Variants in GRM1 observed in about 807,000 individuals in gnomAD.
The protein encoded by GRM1 is glutamate metabotropic receptor 1.
In GRM1, 33 loss-of-function variants were observed where a neutral mutation model predicts 90.9. The observed-to-expected ratio is 0.36, with a 90% confidence interval of 0.28 to 0.49. The LOEUF (loss-of-function observed/expected upper bound fraction) is 0.49, where lower values mean the gene tolerates loss of function less well. Among genes scored for constraint, GRM1 ranks in the 20% least tolerant of loss-of-function variants. The pLI is 0.99. For missense variants in GRM1, 1,190 were observed against 1,534.3 expected, an observed-to-expected ratio of 0.78 and a Z score of 3.75; for synonymous variants, 700 against 613.2, an observed-to-expected ratio of 1.14 and a Z score of -2.09.
chr6:146,262,789 T>A (rs555705038), intron 2 of GRM1, among the ~76,000 whole-genome samples: 64 of 152,062 alleles, frequency 4.2e-4, no homozygotes, highest in African/African-American at 1.4e-3. Context: ...AAAGTAAGTA[T>A]ATTGATAAAT....
intron 6 of GRM1, among the ~76,000 whole-genome samples, chr6:146,394,256 A>G (rs1446306011): frequency 1.3e-5 from 2 of 152,190 alleles, no homozygotes; most frequent in African/African-American, 4.8e-5. Flanking sequence ...GTAGCTTAAT[A>G]TAACTAAATT....
chr6:146,317,907 A>G (rs924653117), intron 3 of GRM1, among the ~76,000 whole-genome samples: 2 of 152,250 alleles, frequency 1.3e-5, no homozygotes, highest in Non-Finnish European at 2.9e-5. Context: ...TATGGGAACA[A>G]TCTTCAATCT....
chr6:146,435,194 C>T lies in GRM1; in HGVS notation c.*398C>T, dbSNP rs1583498204. Reference sequence around the variant, plus strand: ...TGGGCCATGCTTGCCAAGGAACAGCCCACGTGGACATGCCAGTCGGATCAT... The same window carrying T: ...TGGGCCATGCTTGCCAAGGAACAGCTCACGTGGACATGCCAGTCGGATCAT... On this transcript the variant is annotated 3_prime_UTR_variant, in exon 8 of 8. Coordinates refer to ENST00000282753, the MANE Select transcript of GRM1 (RefSeq NM_001278064.2). 5.8e-6 allele frequency: 2 copies of T among 343,248 alleles called. No homozygotes were observed. The highest frequency in any genetic ancestry group is 1.1e-5 in the Non-Finnish European group (2 of 177,868). 21.3% of individuals were successfully genotyped at this position (343,248 alleles called of 1,614,324 possible).
At chr6:146,227,541 A>G (rs1410167543) in intron 2 of GRM1, among the ~76,000 whole-genome samples, 4 of 152,166 alleles carry the variant, frequency 2.6e-5, no homozygotes, top group Admixed American at 6.6e-5. Flanking sequence ...GATTTGACAA[A>G]TAGGAACTAA....
At chr6:146,290,482 A>C (rs1417188379) in intron 2 of GRM1, among the ~76,000 whole-genome samples, 3 of 152,196 alleles carry the variant, frequency 2.0e-5, no homozygotes, top group Non-Finnish European at 4.4e-5. Flanking sequence ...ACCATTCATA[A>C]AAAAGGAAGC....
At chr6:146,153,455 C>T (rs1304131969) in intron 1 of GRM1, among the ~76,000 whole-genome samples, 2 of 152,184 alleles carry the variant, frequency 1.3e-5, no homozygotes, top group African/African-American at 2.4e-5. Flanking sequence ...ATTAGTGCTG[C>T]ACTCATGGGA....
At chr6:146,049,954 C>A (rs1259343281) in intron 1 of GRM1, among the ~76,000 whole-genome samples, 1 of 151,834 alleles carries the variant, frequency 6.6e-6, no homozygotes, top group Non-Finnish European at 1.5e-5. Flanking sequence ...GGGTTCAAAC[C>A]CAGTCAGTCT....
intron 3 of GRM1, among the ~76,000 whole-genome samples, chr6:146,337,142 G>A (rs563000639): frequency 1.3e-5 from 2 of 152,254 alleles, no homozygotes; most frequent in South Asian, 2.1e-4. Flanking sequence ...GGAGATGTGC[G>A]GTACAGCAGT....
At chr6:146,118,541 AT>A in intron 1 of GRM1, among the ~76,000 whole-genome samples, 1 of 152,196 alleles carries the variant, frequency 6.6e-6, no homozygotes, top group Non-Finnish European at 1.5e-5. Context: ...GCACCCACCC[AT>A]TAACTCGTCA....
intron 2 of GRM1, among the ~76,000 whole-genome samples, chr6:146,270,751 A>T (rs914329785): frequency 6.6e-6 from 1 of 152,168 alleles, no homozygotes; most frequent in Non-Finnish European, 1.5e-5. Flanking sequence ...TCAGGGAGGA[A>T]CATACTTATG....
chr6:146,350,267 C>T (rs1328018181), intron 3 of GRM1, among the ~76,000 whole-genome samples: 1 of 152,128 alleles, frequency 6.6e-6, no homozygotes, highest in Non-Finnish European at 1.5e-5. Context: ...ACAAGAAGAG[C>T]AAACTCAGTG....
intron 2 of GRM1, among the ~76,000 whole-genome samples, chr6:146,220,747 A>C (rs1780032155): frequency 6.6e-6 from 1 of 152,044 alleles, no homozygotes; most frequent in South Asian, 2.1e-4. Context: ...AGTTACAGTA[A>C]AGGGGAAGGA....
At chr6:146,181,592 A>G (rs973641577) in intron 2 of GRM1, among the ~76,000 whole-genome samples, 2 of 152,190 alleles carry the variant, frequency 1.3e-5, no homozygotes, top group Non-Finnish European at 1.5e-5. Context: ...TTGTTGAATG[A>G]CTTCAGAAGG....
At chr6:146,056,706 A>T (rs1775493819) in intron 1 of GRM1, among the ~76,000 whole-genome samples, 1 of 152,182 alleles carries the variant, frequency 6.6e-6, no homozygotes, top group African/African-American at 2.4e-5. Context: ...CACAAGGAAC[A>T]GTAACTGATC....
intron 1 of GRM1, among the ~76,000 whole-genome samples, chr6:146,138,409 G>A (rs773975830): frequency 1.6e-4 from 25 of 151,852 alleles, no homozygotes; most frequent in Non-Finnish European, 1.2e-4. Context: ...ATCAAGTGAA[G>A]TGTTCCCTCC....
chr6:146,131,451 A>C (rs1776394393), intron 1 of GRM1, among the ~76,000 whole-genome samples: 1 of 151,466 alleles, frequency 6.6e-6, no homozygotes, highest in Non-Finnish European at 1.5e-5. Context: ...TATGGATAAA[A>C]TAATCTCTAA....
intron 7 of GRM1, among the ~76,000 whole-genome samples, chr6:146,420,342 A>G (rs1272325788): frequency 6.6e-6 from 1 of 152,246 alleles, no homozygotes; most frequent in Non-Finnish European, 1.5e-5. Flanking sequence ...AAATCTTTAA[A>G]AAGCAGGGAA....
chr6:146,064,246 T>C (rs189945598), intron 1 of GRM1, among the ~76,000 whole-genome samples: 78 of 152,328 alleles, frequency 5.1e-4, no homozygotes, highest in African/African-American at 1.8e-3. Context: ...TATATGTTTA[T>C]GTGTATCAAA....
intron 2 of GRM1, among the ~76,000 whole-genome samples, chr6:146,182,500 A>G (rs902624679): frequency 2.6e-5 from 4 of 151,842 alleles, no homozygotes; most frequent in African/African-American, 7.3e-5. Context: ...TTGCATGTCT[A>G]TTAGGAGAAC....
Sources: allele counts gnomAD v4.1 joint callset (sites outside exome capture counted in the v4.1 genomes callset), GRCh38; gene constraint gnomAD v4.1.1; transcripts MANE v1.5; gene names NCBI Gene and HGNC (gene_info 2026-07-23, HGNC 2026-07-21).